The following RMC1 variants were observed in gnomAD, a reference collection of about 807,000 sequenced individuals.
The protein encoded by RMC1 is regulator of MON1-CCZ1 complex.
A neutral mutation model predicts 95.5 loss-of-function variants in RMC1; 44 were observed. The observed-to-expected ratio is 0.46, with a 90% CI of 0.36 to 0.59. The LOEUF is 0.59. Among genes scored for constraint, RMC1 ranks in the 20% least tolerant of loss-of-function variants. RMC1 has a pLI of 0.00. For missense variants in RMC1, 705 were observed against 819.6 expected (o/e 0.86, Z 1.71); for synonymous variants, 320 against 303.6 (o/e 1.05, Z -0.56).
chr18:23,511,866 C>T (rs938156199), intron 5 of RMC1, among the ~76,000 whole-genome samples: 1 of 151,898 alleles, frequency 6.6e-6, no homozygotes, highest in African/African-American at 2.4e-5. Context: ...AGTATAGGTA[C>T]GAACATCTGA....
chr18:23,512,736 A>G (rs2057895752), intron 5 of RMC1, among the ~76,000 whole-genome samples: 1 of 151,878 alleles, frequency 6.6e-6, no homozygotes, highest in Admixed American at 6.6e-5. Context: ...TGTGGTCAAA[A>G]ATATTTTTTT....
intron 5 of RMC1, among the ~76,000 whole-genome samples, chr18:23,512,954 T>C (rs1014315379): frequency 2.6e-5 from 4 of 152,060 alleles, no homozygotes; most frequent in Non-Finnish European, 5.9e-5. Flanking sequence ...TTTCTATGAA[T>C]TTGACTCCTT....
chr18:23,518,074 G>A (rs2058056450), intron 7 of RMC1, among the ~76,000 whole-genome samples: 1 of 152,240 alleles, frequency 6.6e-6, no homozygotes, highest in African/African-American at 2.4e-5. Context: ...AAGTGGAGGT[G>A]GGGACCTGTT....
intron 4 of RMC1, chr18:23,508,729 AC>A: frequency 6.6e-6 from 1 of 152,412 alleles, no homozygotes; most frequent in Non-Finnish European, 1.5e-5. Flanking sequence ...GTGTGAAGAG[AC>A]CCTCAGCCCG....
chr18:23,504,561 CTG>C, intron 2 of RMC1, 114 bp downstream of exon 2: 1 of 872,362 alleles, frequency 1.1e-6, no homozygotes, highest in East Asian at 2.5e-5. Context: ...GGCCTGAAGT[CTG>C]TGTGCGCACA....
At position 23,526,637 on chromosome 18, in the gene RMC1, G is replaced by A; in HGVS notation, c.1061G>A (p.Gly354Asp). The change falls in exon 13 of 20, where the codon GGT becomes GAT. Residue 354 changes from glycine to aspartate, a missense_variant and splice_region_variant. Transcript: ENST00000269221. ...TTATTTGCTGCCTCTTAAAATCCAGGTTACCTCTGGAACCTCCAAGTGAAA... is the reference window on the plus strand; with the variant it reads ...TTATTTGCTGCCTCTTAAAATCCAGATTACCTCTGGAACCTCCAAGTGAAA... ...QPDIIISASQGYLWNLQVKLE... is the reference protein window; with the variant it reads ...QPDIIISASQDYLWNLQVKLE... 6.2e-7 allele frequency: 1 copy of A among 1,613,588 alleles called. No homozygotes were observed. The highest frequency in any genetic ancestry group is 8.5e-7 in the Non-Finnish European group (1 of 1,179,796).
chr18:23,513,762 G>A (rs182105117), intron 5 of RMC1, among the ~76,000 whole-genome samples: 8 of 152,120 alleles, frequency 5.3e-5, no homozygotes, highest in East Asian at 1.9e-4. Context: ...TTTGATTTGC[G>A]CTCTTTGTTG....
intron 7 of RMC1, among the ~76,000 whole-genome samples, chr18:23,518,288 C>T (rs1001088228): frequency 5.3e-5 from 8 of 152,138 alleles, no homozygotes; most frequent in Non-Finnish European, 1.2e-4. Flanking sequence ...GCCAGGAGTT[C>T]AAGACCAGCC....
At chr18:23,516,500 C>T in intron 7 of RMC1, 77 bp downstream of exon 7, 1 of 1,462,186 alleles carries the variant, frequency 6.8e-7, no homozygotes, top group Non-Finnish European at 9.5e-7. Flanking sequence ...GTGTTACAAG[C>T]ACCACGTGAT....
At chr18:23,509,137 G>C in intron 4 of RMC1, 56 bp from the exon 5 acceptor site, 1 of 593,324 alleles carries the variant, frequency 1.7e-6, no homozygotes. Context: ...CTTTTGAAGA[G>C]AGTTATATGT....
rs144722701 is a variant in RMC1 at position 23,510,413 on chromosome 18, C to T, written c.408+1134C>T. On this transcript the variant is annotated intron_variant, in intron 5 of 19. Coordinates refer to ENST00000269221, the MANE Select transcript of RMC1 (RefSeq NM_013326.5). Reference sequence around the variant, plus strand: ...CTGTAATCCCAGCACTTTGGGAGACCGAGGTGGGCAGATCACCTGAGGTCA... The same window carrying T: ...CTGTAATCCCAGCACTTTGGGAGACTGAGGTGGGCAGATCACCTGAGGTCA... Among the ~76,000 whole-genome samples the T allele has an allele frequency of 5.0e-3, 754 of 151,732 alleles. 9 individuals carry two copies. Among genetic ancestry groups the T allele is most frequent in the African/African-American group, 0.018 (730 of 41,402 alleles).
chr18:23,526,872 C>A, intron 13 of RMC1, 107 bp downstream of exon 13: 1 of 1,426,664 alleles, frequency 7.0e-7, no homozygotes, highest in Non-Finnish European at 9.4e-7. Context: ...CTGTGACCCA[C>A]AGCCTCATTC....
chr18:23,530,475 G>A lies in RMC1; in HGVS notation c.1757G>A (p.Gly586Asp). 3 of 1,614,252 alleles carry A rather than the reference G, an allele frequency of 1.9e-6. No individual in the cohort carries two copies. The highest frequency in any genetic ancestry group is 2.5e-6 in the Non-Finnish European group (3 of 1,180,052). ...LAALRFIRGI[G>D]GHDNISARKF... ...GCCTTAAGGTTTATCCGGGGCATTG[G>A]TGGCCATGACAACATTTCTGCACGA... The change falls in exon 19 of 20, where the codon GGT becomes GAT. Residue 586 changes from glycine to aspartate, a missense_variant. Coordinates refer to ENST00000269221, the MANE Select transcript of RMC1 (RefSeq NM_013326.5).
Position 23,530,472 on chromosome 18 carries a change from T to C in RMC1, c.1754T>C (p.Ile585Thr), listed in dbSNP as rs755489679. The change falls in exon 19 of 20, where the codon ATT (isoleucine) becomes ACT (threonine). Residue 585 changes from isoleucine to threonine, a missense_variant. Transcript: ENST00000269221. ...GCTGCCTTAAGGTTTATCCGGGGCATTGGTGGCCATGACAACATTTCTGCA... is the reference window on the plus strand; with the variant it reads ...GCTGCCTTAAGGTTTATCCGGGGCACTGGTGGCCATGACAACATTTCTGCA... ...VLAALRFIRG[I>T]GGHDNISARK... The C allele has an allele frequency of 1.1e-5, 17 of 1,614,164 alleles. No homozygotes were observed. In the East Asian group the frequency reaches 1.3e-4, roughly 13 times the overall value.
chr18:23,531,505 A>AT (rs1164310832), intron 19 of RMC1, 120 bp from the exon 20 acceptor site: 52 of 1,488,724 alleles, frequency 3.5e-5, no homozygotes, highest in Non-Finnish European at 4.6e-5. Flanking sequence ...AAACTTAGGA[A>AT]AACAATGTAT....
At chr18:23,524,668 T>C (rs979476365) in intron 12 of RMC1, among the ~76,000 whole-genome samples, 186 bp downstream of exon 12, 1 of 152,004 alleles carries the variant, frequency 6.6e-6, no homozygotes, top group African/African-American at 2.4e-5. Context: ...CAAGAACATA[T>C]ACTACTTTTA....
Position 23,505,846 on chromosome 18 carries a change from G to T in RMC1, c.180-1124G>T, listed in dbSNP as rs367998786. ...TGGGGGCTCTAAGAAGTTTGTGGGT[G>T]GGGGGAAGGTACTGAATTTAACTTA... On this transcript the variant is annotated intron_variant, in intron 2 of 19. Coordinates refer to ENST00000269221, the MANE Select transcript of RMC1 (RefSeq NM_013326.5). Among the ~76,000 whole-genome samples, 10 of 152,200 alleles carry T rather than the reference G, an allele frequency of 6.6e-5. No homozygotes were observed. The South Asian group carries it at 1.0e-3, about 16-fold the overall frequency.
chr18:23,527,954 T>C, intron 14 of RMC1, 53 bp downstream of exon 14: 1 of 1,403,226 alleles, frequency 7.1e-7, no homozygotes, highest in African/African-American at 1.4e-5. Context: ...CCCTCCCGGG[T>C]ATTTTCTAAG....
Position 23,531,757 on chromosome 18 carries a change from T to C in RMC1, c.*53T>C. 6.3e-7 allele frequency: 1 copy of C among 1,583,394 alleles called. No individual in the cohort carries two copies. Among genetic ancestry groups the C allele is most frequent in the Non-Finnish European group, 8.5e-7 (1 of 1,170,168 alleles). On this transcript the variant is annotated 3_prime_UTR_variant, in exon 20 of 20. Coordinates refer to ENST00000269221, the MANE Select transcript of RMC1 (RefSeq NM_013326.5). ...ATGTGTACAAAGTTAATTTATTGCATTAATAAAGCTCTTTAAACTATAAAA... is the reference window on the plus strand; with the variant it reads ...ATGTGTACAAAGTTAATTTATTGCACTAATAAAGCTCTTTAAACTATAAAA...
Sources: allele counts gnomAD v4.1 joint callset (sites outside exome capture counted in the v4.1 genomes callset), GRCh38; gene constraint gnomAD v4.1.1; transcripts MANE v1.5; gene names NCBI Gene and HGNC (gene_info 2026-07-23, HGNC 2026-07-21).